Variants in BIRC6 observed in about 807,000 individuals in gnomAD.
BIRC6 encodes baculoviral IAP repeat containing 6, also known as dual E2 ubiquitin-conjugating enzyme/E3 ubiquitin-protein ligase BIRC6.
BIRC6 carries 98 observed loss-of-function variants against 503.3 expected under a neutral mutation model. The observed-to-expected ratio is 0.19, with a 90% CI of 0.17 to 0.23. The LOEUF (loss-of-function observed/expected upper bound fraction) is 0.23. BIRC6 is among the 10% of genes least tolerant of loss of function. The probability of loss-of-function intolerance (pLI) is 1.00; values close to 1 mark genes in which losing one functional copy is unlikely to be tolerated. For synonymous variants in BIRC6, 2,240 were observed against 2,078.7 expected, an observed-to-expected ratio of 1.08 and a Z score of -2.11; for missense variants, 5,360 against 5,806.0, an observed-to-expected ratio of 0.92 and a Z score of 2.50.
intron 66 of BIRC6, among the ~76,000 whole-genome samples, chr2:32,586,294 G>A (rs1319296205): frequency 1.3e-5 from 2 of 151,040 alleles, no homozygotes. Context: ...TTGACTTAGT[G>A]TTTCTGCCTC....
intron 65 of BIRC6, among the ~76,000 whole-genome samples, chr2:32,560,862 C>T (rs2059121728): frequency 6.6e-6 from 1 of 151,944 alleles, no homozygotes; most frequent in Non-Finnish European, 1.5e-5. Context: ...AGCCACTGTG[C>T]CCGACTTTTT....
At chr2:32,584,161 C>T (rs898451730) in intron 66 of BIRC6, among the ~76,000 whole-genome samples, 1 of 151,914 alleles carries the variant, frequency 6.6e-6, no homozygotes, top group African/African-American at 2.4e-5. Flanking sequence ...TTACTTGAGC[C>T]CAGGAGTTTA....
intron 1 of BIRC6, among the ~76,000 whole-genome samples, chr2:32,370,874 T>G (rs1306259116): frequency 6.6e-6 from 1 of 151,986 alleles, no homozygotes; most frequent in Non-Finnish European, 1.5e-5. Context: ...GGAAATGGAG[T>G]TTTACAGTGT....
In BIRC6 at chr2:32,481,325, C is replaced by T. The variant is rs768737155; in HGVS notation, c.7414C>T (p.Pro2472Ser). 1.3e-6 allele frequency: 2 copies of T among 1,593,584 alleles called. No homozygotes were observed. Among genetic ancestry groups the T allele is most frequent in the Admixed American group, 3.5e-5 (2 of 57,520 alleles). ...EPLTHDITGAPPLSSLEKDKE... is the reference protein window; with the variant it reads ...EPLTHDITGASPLSSLEKDKE... ...TCACTTTTAATTATTTGAAGGTGCA[C>T]CTCCTCTGTCCTCTTTGGAAAAAGA... Residue 2472 changes from proline to serine, a missense_variant, in exon 38 of 74, where the codon CCT (proline) becomes TCT (serine). Physicochemically the swap from Pro to Ser is moderately conservative, Grantham distance 74 (BLOSUM62 -1). Coordinates refer to ENST00000421745, the MANE Select transcript of BIRC6 (RefSeq NM_016252.4).
At chr2:32,523,086 A>C (rs2055906877) in intron 57 of BIRC6, 1 of 152,154 alleles carries the variant, frequency 6.6e-6, no homozygotes, top group South Asian at 2.1e-4. Context: ...AGTATTGTTA[A>C]TATATATTTC....
chr2:32,608,664 G>A (rs950552856), intron 72 of BIRC6, among the ~76,000 whole-genome samples: 10 of 151,984 alleles, frequency 6.6e-5, no homozygotes, highest in African/African-American at 1.2e-4. Context: ...TGATCCACCT[G>A]CCTTGGCCTC....
intron 10 of BIRC6, 35 bp from the exon 11 acceptor site, chr2:32,429,111 T>C (rs748655372): frequency 6.6e-7 from 1 of 1,525,498 alleles, no homozygotes; most frequent in South Asian, 1.3e-5. Flanking sequence ...TGTTTACCTA[T>C]TTTTCATGTA....
In BIRC6 at chr2:32,501,698, T is replaced by A. The variant is rs2053217486; in HGVS notation, c.9032-15T>A. ...ATATATATACTTTTAATGTGGTATCTTTTATTTTTCTTAGGAGCAAGTGGA... is the reference window on the plus strand; with the variant it reads ...ATATATATACTTTTAATGTGGTATCATTTATTTTTCTTAGGAGCAAGTGGA... On this transcript the variant is annotated splice_polypyrimidine_tract_variant and intron_variant, in intron 46 of 73. Coordinates refer to ENST00000421745, the MANE Select transcript of BIRC6 (RefSeq NM_016252.4). The A allele has an allele frequency of 6.2e-7, 1 of 1,602,670 alleles. No homozygotes were observed. The highest frequency in any genetic ancestry group is 8.5e-7 in the Non-Finnish European group (1 of 1,175,478).
chr2:32,476,167 G>T (rs1336370442), intron 33 of BIRC6, 46 bp from the exon 34 acceptor site: 7 of 1,445,098 alleles, frequency 4.8e-6, no homozygotes, highest in Admixed American at 2.6e-5. Context: ...TAATTTTTTT[G>T]TTTTTAACGT....
At chr2:32,521,464 T>G (rs1558961815) in intron 57 of BIRC6, among the ~76,000 whole-genome samples, 1 of 150,620 alleles carries the variant, frequency 6.6e-6, no homozygotes, top group Non-Finnish European at 1.5e-5. Context: ...CTCTCTCTGT[T>G]TTTTTTGTTT....
chr2:32,370,502 T>C (rs950987595), intron 1 of BIRC6, among the ~76,000 whole-genome samples: 2 of 152,178 alleles, frequency 1.3e-5, no homozygotes, highest in African/African-American at 4.8e-5. Flanking sequence ...GTGTTACCCC[T>C]TTCTTTGTGG....
Position 32,437,728 on chromosome 2 carries a change from T to C in BIRC6, c.3631+1544T>C, listed in dbSNP as rs117695601. Among the ~76,000 whole-genome samples, 21 of 152,330 alleles carry C rather than the reference T, an allele frequency of 1.4e-4. 1 individual carries two copies. In the East Asian group the frequency reaches 4.0e-3, roughly 29 times the overall value. On this transcript the variant is annotated intron_variant, in intron 15 of 73. Transcript: ENST00000421745. Reference sequence around the variant, plus strand: ...GCATCATATCGGCTCTCAAAGAGTTTTGCATTTTAGAGCATTTTGGATTTT... The same window carrying C: ...GCATCATATCGGCTCTCAAAGAGTTCTGCATTTTAGAGCATTTTGGATTTT...
At chr2:32,533,740 G>T (rs984843412) in intron 61 of BIRC6, among the ~76,000 whole-genome samples, 1 of 152,176 alleles carries the variant, frequency 6.6e-6, no homozygotes, top group African/African-American at 2.4e-5. Flanking sequence ...GCCATGGAAC[G>T]TAAGTAGCCT....
At chr2:32,497,007 G>T (rs930484755) in intron 45 of BIRC6, among the ~76,000 whole-genome samples, 3 of 152,204 alleles carry the variant, frequency 2.0e-5, no homozygotes, top group South Asian at 4.1e-4. Flanking sequence ...TTACTAGCTG[G>T]AGCTCTTTTT....
In BIRC6 at chr2:32,463,384, T is replaced by G; in HGVS notation, c.4941+3T>G. On this transcript the variant is annotated splice_donor_region_variant and intron_variant, in intron 24 of 73. Transcript: ENST00000421745. The stretch of plus-strand genomic sequence containing the variant: ...AGCTTTTGAAGCTTCAGCAACAGGT[T>G]GGAGACTATTTGGCTCTTTGTTCAT... 1 of 1,605,460 alleles carries G rather than the reference T, an allele frequency of 6.2e-7. No homozygotes were observed. Among genetic ancestry groups the G allele is most frequent in the Non-Finnish European group, 8.5e-7 (1 of 1,176,276 alleles).
Position 32,563,604 on chromosome 2 carries a change from T to C in BIRC6, c.13145-11552T>C, listed in dbSNP as rs368774321. The C allele has an allele frequency of 2.6e-5, 4 of 152,154 alleles. No homozygotes were observed. The East Asian group carries it at 7.7e-4, about 29-fold the overall frequency. The allele number at this position is 152,154 out of a possible 1,614,324, so 9.4% of individuals were successfully genotyped here. A position where few individuals can be genotyped will look rare whatever the true frequency, so the allele number is the denominator to read the frequency against. On this transcript the variant is annotated intron_variant, in intron 65 of 73. Coordinates refer to ENST00000421745, the MANE Select transcript of BIRC6 (RefSeq NM_016252.4). ...ATATTTCAGTATAAAAAGGAGCAAA[T>C]GTATATGAATAAGTACTTAAGAGAA...
intron 70 of BIRC6, chr2:32,602,794 T>C (rs2151558526): frequency 2.1e-6 from 1 of 471,738 alleles, no homozygotes; most frequent in East Asian, 3.3e-5. Context: ...CTGGTCTGTT[T>C]TGCATTATGA....
chr2:32,552,463 A>C (rs984198731), intron 65 of BIRC6, among the ~76,000 whole-genome samples: 14 of 152,228 alleles, frequency 9.2e-5, no homozygotes. Context: ...ATTGATCTTC[A>C]GTTTTAGTTC....
chr2:32,495,282 A>C (rs2052307048), intron 45 of BIRC6, among the ~76,000 whole-genome samples: 1 of 152,206 alleles, frequency 6.6e-6, no homozygotes, highest in African/African-American at 2.4e-5. Context: ...TATACGCCAC[A>C]GAAACTGTTT....
Sources: allele counts gnomAD v4.1 joint callset (sites outside exome capture counted in the v4.1 genomes callset), GRCh38; gene constraint gnomAD v4.1.1; transcripts MANE v1.5; gene names NCBI Gene and HGNC (gene_info 2026-07-23, HGNC 2026-07-21).